Variants in VAV3 observed in about 807,000 individuals in gnomAD.
VAV3 encodes vav guanine nucleotide exchange factor 3.
VAV3 carries 94 observed loss-of-function variants against 131.2 expected under a neutral mutation model. That is an observed-to-expected ratio of 0.72 (90% confidence interval 0.61 to 0.85). The LOEUF (loss-of-function observed/expected upper bound fraction) is 0.85, where lower values mean the gene tolerates loss of function less well. Ranked by LOEUF, VAV3 falls within the 40% of genes least tolerant of loss-of-function variation. VAV3 has a pLI of 0.00. For missense variants in VAV3, 939 were observed against 1,002.7 expected (o/e 0.94, Z 0.86); for synonymous variants, 349 against 342.0 (o/e 1.02, Z -0.22).
At chr1:107,888,773 T>G (rs562203097) in intron 1 of VAV3, among the ~76,000 whole-genome samples, 1 of 152,228 alleles carries the variant, frequency 6.6e-6, no homozygotes, top group South Asian at 2.1e-4. Context: ...CTGACTCACT[T>G]TGAAACAAAA....
intron 25 of VAV3, among the ~76,000 whole-genome samples, chr1:107,595,802 A>G (rs971396127): frequency 3.9e-5 from 6 of 152,220 alleles, no homozygotes; most frequent in Non-Finnish European, 7.4e-5. Context: ...GAAATAGACC[A>G]TAAGCAGATT....
chr1:107,686,454 A>G (rs1459510339), intron 18 of VAV3, among the ~76,000 whole-genome samples: 2 of 152,200 alleles, frequency 1.3e-5, no homozygotes, highest in Admixed American at 1.3e-4. Context: ...AAAGTGTTTC[A>G]CTATTTACTT....
At chr1:107,657,613 T>G (rs558282378) in intron 19 of VAV3, among the ~76,000 whole-genome samples, 1 of 152,254 alleles carries the variant, frequency 6.6e-6, no homozygotes, top group South Asian at 2.1e-4. Context: ...GACGTATTAC[T>G]TCTGATCTAG....
chr1:107,781,246 C>T (rs1665671104), intron 2 of VAV3, among the ~76,000 whole-genome samples: 1 of 152,158 alleles, frequency 6.6e-6, no homozygotes. Flanking sequence ...TAAATGAGAT[C>T]ATGCCTATCA....
At chr1:107,791,670 C>A (rs190242722) in intron 2 of VAV3, among the ~76,000 whole-genome samples, 1 of 152,196 alleles carries the variant, frequency 6.6e-6, no homozygotes, top group East Asian at 1.9e-4. Flanking sequence ...TTTTTTAAAG[C>A]TTTCCAGTGA....
chr1:107,610,874 G>A (rs922104387), intron 21 of VAV3, among the ~76,000 whole-genome samples: 4 of 152,086 alleles, frequency 2.6e-5, no homozygotes, highest in African/African-American at 7.2e-5. Flanking sequence ...TGCTATTAAT[G>A]GGATTTTTAT....
At chr1:107,651,750 C>T (rs2101575856) in intron 19 of VAV3, among the ~76,000 whole-genome samples, 1 of 151,982 alleles carries the variant, frequency 6.6e-6, no homozygotes, top group South Asian at 2.1e-4. Context: ...AATGTTTGAC[C>T]ATCCTACACA....
intron 25 of VAV3, chr1:107,578,619 T>G (rs1211794066): frequency 5.2e-6 from 1 of 193,174 alleles, no homozygotes; most frequent in African/African-American, 2.4e-5. Flanking sequence ...TCTTTCTTTC[T>G]TTTTTTTGAG....
At chr1:107,952,794 C>T (rs188350024) in intron 1 of VAV3, among the ~76,000 whole-genome samples, 5,037 of 152,110 alleles carry the variant, frequency 0.033, 118 homozygotes, top group South Asian at 0.13. Context: ...CCAGCATCTA[C>T]TACAAAGTCC....
chr1:107,587,561 G>A (rs1329549134), intron 25 of VAV3, among the ~76,000 whole-genome samples: 1 of 152,130 alleles, frequency 6.6e-6, no homozygotes, highest in African/African-American at 2.4e-5. Context: ...ATGTATGTAT[G>A]TTTGTATGTA....
chr1:107,596,456 T>C (rs547624710), intron 24 of VAV3, 115 bp from the exon 25 acceptor site: 2 of 1,163,564 alleles, frequency 1.7e-6, no homozygotes, highest in East Asian at 2.5e-5. Flanking sequence ...AAATTTTCCA[T>C]AGGTATATGG....
intron 25 of VAV3, chr1:107,576,350 A>G: frequency 6.9e-7 from 1 of 1,451,540 alleles, no homozygotes; most frequent in Non-Finnish European, 9.1e-7. Context: ...ATTTGCAAGC[A>G]GAAGCAAGTT....
At chr1:107,885,094 G>A (rs1364508515) in intron 1 of VAV3, among the ~76,000 whole-genome samples, 2 of 152,106 alleles carry the variant, frequency 1.3e-5, no homozygotes, top group Non-Finnish European at 2.9e-5. Context: ...AGGCAGAGGA[G>A]CTTCAGAACG....
intron 1 of VAV3, among the ~76,000 whole-genome samples, chr1:107,928,588 G>A (rs556686455): frequency 2.6e-5 from 4 of 152,296 alleles, no homozygotes; most frequent in South Asian, 2.1e-4. Context: ...AGGTTAAGTC[G>A]AAATTATGAA....
chr1:107,943,174 T>C (rs565581355), intron 1 of VAV3, among the ~76,000 whole-genome samples: 1 of 152,186 alleles, frequency 6.6e-6, no homozygotes, highest in East Asian at 1.9e-4. Context: ...CTGGCCATCT[T>C]TTTTTCCTTT....
intron 2 of VAV3, among the ~76,000 whole-genome samples, chr1:107,813,826 T>C (rs1357561524): frequency 6.6e-6 from 1 of 152,200 alleles, no homozygotes; most frequent in Non-Finnish European, 1.5e-5. Context: ...ATCAACTTTT[T>C]GGTTCCCACA....
At chr1:107,748,463 C>T (rs1237993366) in intron 15 of VAV3, among the ~76,000 whole-genome samples, 1 of 152,112 alleles carries the variant, frequency 6.6e-6, no homozygotes, top group Non-Finnish European at 1.5e-5. Flanking sequence ...AAATCAAGCC[C>T]TTAAAGCATT....
At chr1:107,715,441 A>G (rs1389018897) in intron 15 of VAV3, among the ~76,000 whole-genome samples, 1 of 152,192 alleles carries the variant, frequency 6.6e-6, no homozygotes, top group Non-Finnish European at 1.5e-5. Flanking sequence ...TATCCTGAAT[A>G]AATTGAGATA....
intron 2 of VAV3, among the ~76,000 whole-genome samples, chr1:107,874,559 A>G: frequency 6.6e-6 from 1 of 151,936 alleles, no homozygotes; most frequent in East Asian, 1.9e-4. Flanking sequence ...GATCAACCTA[A>G]AGGGCAGATA....
Sources: gnomAD v4.1 joint callset for allele counts (sites outside exome capture counted in the v4.1 genomes callset) on GRCh38, gnomAD v4.1.1 for gene constraint, MANE v1.5 for transcripts, NCBI Gene and HGNC (gene_info 2026-07-23, HGNC 2026-07-21) for gene names.